The following SLA variants were observed in gnomAD, a reference collection of about 807,000 sequenced individuals.
SLA encodes the protein Src like adaptor.
SLA carries 16 observed loss-of-function variants against 30.3 expected under a neutral mutation model. The ratio of observed to expected loss-of-function variants is 0.53; its 90% CI spans 0.36 to 0.80. The LOEUF is 0.80. Ranked by LOEUF, SLA falls within the 30% of genes least tolerant of loss-of-function variation. The pLI is 0.01. For missense variants in SLA, 310 were observed against 345.2 expected, an observed-to-expected ratio of 0.90 and a Z score of 0.81; for synonymous variants, 143 against 137.8, an observed-to-expected ratio of 1.04 and a Z score of -0.26.
At chr8:133,044,901 G>T (rs1839015944) in intron 7 of SLA, 83 bp downstream of exon 7, 2 of 1,404,124 alleles carry the variant, frequency 1.4e-6, no homozygotes, top group South Asian at 1.2e-5. Context: ...AGACCCCTCT[G>T]CATTCCAGAC....
chr8:133,081,834 G>T (rs1404538529), intron 1 of SLA, among the ~76,000 whole-genome samples: 2 of 152,194 alleles, frequency 1.3e-5, no homozygotes, highest in Non-Finnish European at 2.9e-5. Flanking sequence ...TGCTTGCTTT[G>T]CTCACTTCCT....
chr8:133,079,478 T>G (rs750692746), intron 1 of SLA, among the ~76,000 whole-genome samples: 3 of 152,070 alleles, frequency 2.0e-5, no homozygotes, highest in Admixed American at 6.5e-5. Context: ...TTCTCCAACA[T>G]GTGTTGATGG....
chr8:133,044,002 C>T (rs1838815690), intron 7 of SLA, among the ~76,000 whole-genome samples: 1 of 152,198 alleles, frequency 6.6e-6, no homozygotes, highest in Non-Finnish European at 1.5e-5. Flanking sequence ...ACCCTCCCCA[C>T]TTTCCATGAA....
At chr8:133,092,194 C>A (rs183215290) in intron 1 of SLA, among the ~76,000 whole-genome samples, 42 of 152,256 alleles carry the variant, frequency 2.8e-4, no homozygotes, top group African/African-American at 9.4e-4. Flanking sequence ...GAGTGTGTCT[C>A]CATCTGTGGT....
At position 133,051,371 on chromosome 8, in the gene SLA, C is replaced by T. The variant is rs192527367; in HGVS notation, c.62-456G>A. Among the ~76,000 whole-genome samples the T allele has an allele frequency of 3.3e-5, 5 of 152,280 alleles. No individual in the cohort carries two copies. The East Asian group carries it at 7.7e-4, about 23-fold the overall frequency. On this transcript the variant is annotated intron_variant, in intron 3 of 8. Coordinates refer to ENST00000338087, the MANE Select transcript of SLA (RefSeq NM_001045556.3). ...ACCCCCCTTCTCACTACCAATGCCT[C>T]GGGTGTCCACTCTGGGACTCAGAGT...
chr8:133,043,711 T>C (rs2131128426), intron 7 of SLA, among the ~76,000 whole-genome samples: 1 of 152,286 alleles, frequency 6.6e-6, no homozygotes, highest in East Asian at 1.9e-4. Flanking sequence ...CCACTGCTTC[T>C]CGTGGGCCAG....
intron 1 of SLA, among the ~76,000 whole-genome samples, chr8:133,078,322 C>T (rs577125331): frequency 2.4e-4 from 37 of 152,306 alleles, no homozygotes; most frequent in African/African-American, 6.0e-4. Context: ...ATGTGAGCCA[C>T]GAGCTGCCTA....
chr8:133,073,508 C>T (rs1844389277), intron 2 of SLA, among the ~76,000 whole-genome samples: 1 of 152,058 alleles, frequency 6.6e-6, no homozygotes, highest in Non-Finnish European at 1.5e-5. Context: ...ATTACAGGCA[C>T]CCGCCACCAA....
intron 1 of SLA, among the ~76,000 whole-genome samples, chr8:133,097,579 A>T (rs929890769): frequency 6.6e-5 from 10 of 152,264 alleles, no homozygotes; most frequent in African/African-American, 1.4e-4. Context: ...ATGTGAAATT[A>T]AGATAGCATT....
At chr8:133,066,325 CA>C (rs11395047) in intron 2 of SLA, among the ~76,000 whole-genome samples, 3,670 of 86,982 alleles carry the variant, frequency 0.042, 61 homozygotes, top group African/African-American at 0.11. Context: ...GACTCTGTCT[CA>C]AAAAAAAAAA....
In SLA at chr8:133,039,968, CACACACACACAT is replaced by C. The variant is rs747789884; in HGVS notation, c.617+18_617+29del. The C allele has an allele frequency of 1.2e-5, 18 of 1,527,154 alleles. No homozygotes were observed. Among genetic ancestry groups the C allele is most frequent in the Admixed American group, 1.1e-4 (5 of 47,236 alleles). 94.6% of individuals were successfully genotyped at this position (1,527,154 alleles called of 1,614,324 possible). A position where few individuals can be genotyped will look rare whatever the true frequency, so the allele number is the denominator to read the frequency against. ...GCACTTGCATGCACACACACACACACACACACACACATACACACACCATACTCACCTGGACAC... is the reference window on the plus strand; with the variant it reads ...GCACTTGCATGCACACACACACACACACACACACCATACTCACCTGGACAC... On this transcript the variant is annotated intron_variant, in intron 8 of 8. Transcript: ENST00000338087.
At position 133,047,597 on chromosome 8, in the gene SLA, T is replaced by G; in HGVS notation, c.352+233A>C. The stretch of plus-strand genomic sequence containing the variant: ...AATTTCCAGCAGGAGTCATCAGGCC[T>G]GATGTTGGCCAGGCCCGTGGCAGTG... On this transcript the variant is annotated intron_variant, in intron 6 of 8. Transcript: ENST00000338087. The G allele has an allele frequency of 5.4e-6, 3 of 554,506 alleles. No individual in the cohort carries two copies. The South Asian group carries it at 6.0e-5, about 11-fold the overall frequency. 34.3% of individuals were successfully genotyped at this position (554,506 alleles called of 1,614,324 possible).
At chr8:133,083,848 A>G (rs1846101106) in intron 1 of SLA, among the ~76,000 whole-genome samples, 1 of 152,056 alleles carries the variant, frequency 6.6e-6, no homozygotes, top group South Asian at 2.1e-4. Context: ...GGTTCTAGTG[A>G]AGCCACCTCC....
intron 2 of SLA, 57 bp downstream of exon 2, chr8:133,074,796 T>C: frequency 1.1e-6 from 1 of 948,788 alleles, no homozygotes; most frequent in African/African-American, 1.8e-5. Flanking sequence ...CAACTGCGTG[T>C]TGAAGAGGCC....
chr8:133,086,282 G>A (rs1276461481), intron 1 of SLA, among the ~76,000 whole-genome samples: 1 of 152,200 alleles, frequency 6.6e-6, no homozygotes, highest in African/African-American at 2.4e-5. Context: ...ATTAGATGTG[G>A]TGATGATTGC....
At position 133,072,695 on chromosome 8, in the gene SLA, C is replaced by A. The variant is rs535302241; in HGVS notation, c.-41+2158G>T. ...TTAGGTGCACTAGAATGAATAATTT[C>A]TGTCTTTAAAAAGGCTCATTTCCCT... On this transcript the variant is annotated intron_variant, in intron 2 of 8. Transcript: ENST00000338087. 2.0e-5 allele frequency among the ~76,000 whole-genome samples: 3 copies of A among 152,340 alleles called. No individual in the cohort carries two copies. The South Asian group carries it at 6.2e-4, about 32-fold the overall frequency.
chr8:133,086,121 A>G (rs1224439952), intron 1 of SLA, among the ~76,000 whole-genome samples: 1 of 152,240 alleles, frequency 6.6e-6, no homozygotes, highest in Non-Finnish European at 1.5e-5. Context: ...ATATTCTATG[A>G]TTCCATTTAT....
intron 2 of SLA, among the ~76,000 whole-genome samples, chr8:133,067,888 ATGTATGG>A (rs1344188872): frequency 7.5e-4 from 2 of 2,680 alleles, no homozygotes; most frequent in Non-Finnish European, 3.6e-3. Context: ...GGAAGGAAGT[ATGTATGG>A]AAGGAAGGAA....
Position 133,047,884 on chromosome 8 carries a change from G to A in SLA, c.298C>T (p.Leu100=). 1 of 1,613,106 alleles carries A rather than the reference G, an allele frequency of 6.2e-7. No individual in the cohort carries two copies. The highest frequency in any genetic ancestry group is 8.5e-7 in the Non-Finnish European group (1 of 1,179,382). ...AAGGAGCCGACCTTTGTGTCTGGCA[G>A]CTGCAGCAGCTCCTCGGCCTTGTCT... The part of the protein sequence containing the change: ...GRDKAEELLQ[L]PDTKVGSFMI... Residue 100 remains leucine, a synonymous_variant, in exon 6 of 9, where the codon CTG becomes TTG. Coordinates refer to ENST00000338087, the MANE Select transcript of SLA (RefSeq NM_001045556.3).
Sources: gnomAD v4.1 joint callset for allele counts (sites outside exome capture counted in the v4.1 genomes callset) on GRCh38, gnomAD v4.1.1 for gene constraint, MANE v1.5 for transcripts, NCBI Gene and HGNC (gene_info 2026-07-23, HGNC 2026-07-21) for gene names.